The following TCF3 variants were observed in gnomAD, a reference collection of about 807,000 sequenced individuals.
TCF3 encodes the protein transcription factor 3.
Under a neutral mutation model 72.3 loss-of-function variants are expected in TCF3, and 54 were observed. The ratio of observed to expected loss-of-function variants is 0.75; its 90% CI spans 0.60 to 0.94. The LOEUF (loss-of-function observed/expected upper bound fraction) is 0.94, where lower values mean the gene tolerates loss of function less well. TCF3 is among the 40% of genes least tolerant of loss of function. The probability of loss-of-function intolerance (pLI) is 0.00; values close to 1 mark genes in which losing one functional copy is unlikely to be tolerated. For missense variants in TCF3, 1,078 were observed against 934.4 expected, an observed-to-expected ratio of 1.15 and a Z score of -2.00; for synonymous variants, 525 against 412.6, an observed-to-expected ratio of 1.27 and a Z score of -3.30.
At chr19:1,624,370 T>C (rs751862466) in intron 7 of TCF3, among the ~76,000 whole-genome samples, 3 of 152,152 alleles carry the variant, frequency 2.0e-5, no homozygotes, top group Admixed American at 1.3e-4. Context: ...CACTCCAGCC[T>C]GGGGACAGAG....
rs750143915 is a variant in TCF3 at position 1,619,849 on chromosome 19, C to G, written c.1098G>C (p.Thr366=). ...PVGSPQGLAG[T]SQWPRAGAPG... ...GGGCTCCTGCTCGAGGCCACTGTGACGTTCCTGGAAGGGAGTGGGGACGTG... is the reference window on the plus strand; with the variant it reads ...GGGCTCCTGCTCGAGGCCACTGTGAGGTTCCTGGAAGGGAGTGGGGACGTG... Residue 366 remains threonine (T), a synonymous_variant, in exon 14 of 19, where the codon ACG becomes ACC. Transcript: ENST00000262965. 6.3e-7 allele frequency: 1 copy of G among 1,577,254 alleles called. No homozygotes were observed. The highest frequency in any genetic ancestry group is 2.4e-5 in the East Asian group (1 of 42,552).
At chr19:1,619,742 G>T in intron 14 of TCF3, 38 bp downstream of exon 14, 1 of 1,504,812 alleles carries the variant, frequency 6.6e-7, no homozygotes, top group Non-Finnish European at 9.0e-7. Flanking sequence ...TGCAAATTCT[G>T]TCGGGGAAGG....
At chr19:1,624,666 C>CT (rs1457661301) in intron 7 of TCF3, among the ~76,000 whole-genome samples, 2 of 152,214 alleles carry the variant, frequency 1.3e-5, no homozygotes, top group Non-Finnish European at 2.9e-5. Context: ...AACCCGGAAA[C>CT]CAGCACTCAG....
At position 1,619,129 on chromosome 19, in the gene TCF3, G is replaced by C; in HGVS notation, c.1432C>G (p.Pro478Ala). The C allele has an allele frequency of 6.3e-7, 1 of 1,599,742 alleles. No homozygotes were observed. Among genetic ancestry groups the C allele is most frequent in the Non-Finnish European group, 8.5e-7 (1 of 1,179,734 alleles). ...GGCTTACCACTGTAGGAGTCGGGAG[G>C]CCGAGACAGGTCAGGGAGGGTGCCT... The part of the protein sequence containing the change: ...QPGTLPDLSR[P>A]PDSYSGLGRA... The change falls in exon 16 of 19, where the codon CCT becomes GCT. Residue 478 changes from proline to alanine, a missense_variant. Physicochemically the swap from Pro to Ala is conservative, Grantham distance 27 (BLOSUM62 -1). Coordinates refer to ENST00000262965, the MANE Select transcript of TCF3 (RefSeq NM_003200.5).
intron 11 of TCF3, 151 bp downstream of exon 11, chr19:1,621,687 A>G: frequency 9.3e-7 from 1 of 1,072,522 alleles, no homozygotes; most frequent in Non-Finnish European, 1.3e-6. Flanking sequence ...CAGGCCCTGC[A>G]GACAGCGGAC....
At chr19:1,612,451 G>C in intron 18 of TCF3, 1 of 1,604,330 alleles carries the variant, frequency 6.2e-7, no homozygotes, top group Non-Finnish European at 8.5e-7. Context: ...ACAGCACCGA[G>C]GCCTCTGTTA....
At chr19:1,611,931 G>C (rs1278033539) in intron 18 of TCF3, 82 bp from the exon 19 acceptor site, 2 of 80,572 alleles carry the variant, frequency 2.5e-5, no homozygotes, top group Non-Finnish European at 5.0e-5. Flanking sequence ...GTAGGATGTC[G>C]GGGGGGGGGG....
intron 3 of TCF3, among the ~76,000 whole-genome samples, chr19:1,640,091 C>T (rs998793064): frequency 2.0e-5 from 3 of 152,148 alleles, no homozygotes; most frequent in African/African-American, 4.8e-5. Context: ...CATTGAGGAC[C>T]GCGGCGCCCT....
In TCF3 at chr19:1,648,526, G is replaced by A. The variant is rs562831113; in HGVS notation, c.72+1651C>T. Among the ~76,000 whole-genome samples the A allele has an allele frequency of 1.8e-3, 273 of 152,230 alleles. 1 individual carries two copies. The highest frequency in any genetic ancestry group is 3.4e-3 in the Non-Finnish European group (232 of 67,996). On this transcript the variant is annotated intron_variant, in intron 2 of 18. Coordinates refer to ENST00000262965, the MANE Select transcript of TCF3 (RefSeq NM_003200.5). ...AAACGCTGGTCTGTTCCAGCCCAGC[G>A]GTCTGTGACTTGTCAGTTTAACAAA...
At chr19:1,630,495 G>A (rs1457533671) in intron 5 of TCF3, among the ~76,000 whole-genome samples, 3 of 152,260 alleles carry the variant, frequency 2.0e-5, no homozygotes, top group Non-Finnish European at 2.9e-5. Context: ...AGGCTGGGTC[G>A]GCCAAAGTCC....
intron 7 of TCF3, among the ~76,000 whole-genome samples, chr19:1,625,112 G>A (rs527777683): frequency 1.5e-3 from 236 of 152,364 alleles, no homozygotes; most frequent in Non-Finnish European, 2.5e-3. Flanking sequence ...CTCCAGAGAA[G>A]CTGGGACCCC....
At chr19:1,624,725 G>C (rs2062674397) in intron 7 of TCF3, among the ~76,000 whole-genome samples, 1 of 152,254 alleles carries the variant, frequency 6.6e-6, no homozygotes, top group Non-Finnish European at 1.5e-5. Flanking sequence ...AAAAGTTCGA[G>C]TGGCCCAGGC....
chr19:1,650,401 G>C (rs903923320), intron 1 of TCF3, 114 bp from the exon 2 acceptor site: 1 of 759,992 alleles, frequency 1.3e-6, no homozygotes, highest in African/African-American at 1.8e-5. Flanking sequence ...CAACCGCCCT[G>C]GGGTCTGAGT....
In TCF3 at chr19:1,621,008, G is replaced by A. The variant is rs2146080920; in HGVS notation, c.1053C>T (p.Ser351=). ...GGGAGCCCACGGGGGTAGAAGGGCT[G>A]GACGAGAAGTTATTGCTTGAGTGAT... is the stretch of plus-strand genomic sequence containing the variant. The part of the protein sequence containing the change: ...SPDHSSNNFS[S]SPSTPVGSPQ... Residue 351 remains serine (S), a synonymous_variant, in exon 13 of 19, where the codon TCC becomes TCT. Transcript: ENST00000262965. 2 of 1,519,282 alleles carry A rather than the reference G, an allele frequency of 1.3e-6. No individual in the cohort carries two copies. The highest frequency in any genetic ancestry group is 1.8e-6 in the Non-Finnish European group (2 of 1,133,130). 94.1% of individuals were successfully genotyped at this position (1,519,282 alleles called of 1,614,324 possible).
intron 2 of TCF3, among the ~76,000 whole-genome samples, chr19:1,648,310 G>C (rs890819712): frequency 6.6e-6 from 1 of 152,174 alleles, no homozygotes; most frequent in Admixed American, 6.5e-5. Flanking sequence ...CTGCCTCCCC[G>C]TCCTGGCCAG....
chr19:1,615,131 C>T lies in TCF3; in HGVS notation c.1822+154G>A, dbSNP rs879629865. Among the ~76,000 whole-genome samples, 8 of 152,042 alleles carry T rather than the reference C, an allele frequency of 5.3e-5. No individual in the cohort carries two copies. Among genetic ancestry groups the T allele is most frequent in the Admixed American group, 3.3e-4 (5 of 15,270 alleles). ...TCAGGAGTGGACAGTCATGGCAATG[C>T]GGTCAGAGGGGTGAAGGGCACAGTC... On this transcript the variant is annotated intron_variant, in intron 18 of 18. Coordinates refer to ENST00000262965, the MANE Select transcript of TCF3 (RefSeq NM_003200.5). The surrounding 1 kb of genome is among the most constrained non-coding windows in gnomAD (Gnocchi z 7.3).
rs967705656 is a variant in TCF3 at position 1,650,871 on chromosome 19, T to TG, written c.-39-585dup. 94 of 228,352 alleles carry TG rather than the reference T, an allele frequency of 4.1e-4. 1 individual carries two copies. The highest frequency in any genetic ancestry group is 1.8e-4 in the South Asian group (1 of 5,408). The allele number at this position is 228,352 out of a possible 1,614,324, so 14.1% of individuals were successfully genotyped here. ...GCTTCAAGACTTAAAGTGCCGGGGGTGGGGGGGACGCGCATCCTATGCAGG... is the reference window on the plus strand; with the variant it reads ...GCTTCAAGACTTAAAGTGCCGGGGGTGGGGGGGGACGCGCATCCTATGCAGG... On this transcript the variant is annotated intron_variant, in intron 1 of 18. Transcript: ENST00000262965.
chr19:1,638,409 C>T (rs932343947), intron 3 of TCF3, among the ~76,000 whole-genome samples: 1 of 152,126 alleles, frequency 6.6e-6, no homozygotes, highest in Non-Finnish European at 1.5e-5. Context: ...GGCTCTGTCG[C>T]CCAGGCTGGA....
At chr19:1,648,352 G>A (rs956275859) in intron 2 of TCF3, among the ~76,000 whole-genome samples, 4 of 152,186 alleles carry the variant, frequency 2.6e-5, no homozygotes, top group African/African-American at 4.8e-5. Flanking sequence ...GGTAAAGCCC[G>A]AGGGGGGACG....
Sources: allele counts gnomAD v4.1 joint callset (sites outside exome capture counted in the v4.1 genomes callset), GRCh38; gene constraint gnomAD v4.1.1; non-coding constraint Gnocchi (gnomAD v3.1); transcripts MANE v1.5; gene names NCBI Gene and HGNC (gene_info 2026-07-23, HGNC 2026-07-21).